The following FAAP24 variants were observed in gnomAD, a reference collection of about 807,000 sequenced individuals.
FAAP24 encodes the protein FA core complex associated protein 24.
A neutral mutation model predicts 14.3 loss-of-function variants in FAAP24; 16 were observed. That is an observed-to-expected ratio of 1.12 (90% CI 0.76 to 1.69). The LOEUF (loss-of-function observed/expected upper bound fraction) is 1.69, where lower values mean the gene tolerates loss of function less well. Among genes scored for constraint, FAAP24 ranks in the 40% most tolerant of loss-of-function variants. The pLI is 0.00. For synonymous variants in FAAP24, 111 were observed against 106.2 expected (o/e 1.04, Z -0.28); for missense variants, 234 against 262.7 (o/e 0.89, Z 0.75).
chr19:32,973,346 T>C, intron 2 of FAAP24, 44 bp downstream of exon 2: 1 of 1,597,664 alleles, frequency 6.3e-7, no homozygotes, highest in Non-Finnish European at 8.5e-7. Context: ...CCCTGACATA[T>C]TAAAAAAAAA....
chr19:32,972,710 CTTTTCTTTTTT>C (rs1971449073), intron 1 of FAAP24, among the ~76,000 whole-genome samples: 1 of 128,562 alleles, frequency 7.8e-6, no homozygotes, highest in African/African-American at 3.1e-5. Context: ...TTTTCTTTTT[CTTTTCTTTTTT>C]TTTTTTTTTT....
rs1258828079 is a variant in FAAP24, at chr19:32,976,452, C to T, written c.418C>T (p.Pro140Ser). ...TCAGGTTCAAGAGCAAACCAAAGAG[C>T]CCAGTAAGAACCCTCTTCTCGGGAA... ...IQLVQEQTKE[P>S]SKNPLLGKKR... Residue 140 changes from proline (P) to serine (S), a missense_variant, in exon 5 of 5, where the codon CCC becomes TCC. Coordinates refer to ENST00000588258, the MANE Select transcript of FAAP24 (RefSeq NM_152266.5). The T allele has an allele frequency of 2.5e-6, 4 of 1,613,946 alleles. No homozygotes were observed. Among genetic ancestry groups the T allele is most frequent in the Non-Finnish European group, 2.5e-6 (3 of 1,179,846 alleles).
intron 4 of FAAP24, among the ~76,000 whole-genome samples, chr19:32,975,047 T>C (rs1971498374): frequency 6.6e-6 from 1 of 151,490 alleles, no homozygotes; most frequent in African/African-American, 2.4e-5. Context: ...GGCTAATTTT[T>C]GTATTTTTAG....
chr19:32,973,337 C>T, intron 2 of FAAP24, 35 bp downstream of exon 2: 1 of 1,605,398 alleles, frequency 6.2e-7, no homozygotes, highest in Non-Finnish European at 8.5e-7. Flanking sequence ...CCTTTCCTCC[C>T]CTGACATATT....
intron 4 of FAAP24, among the ~76,000 whole-genome samples, chr19:32,975,472 T>C (rs1424914604): frequency 6.7e-6 from 1 of 149,458 alleles, no homozygotes; most frequent in Non-Finnish European, 1.5e-5. Context: ...TTTTTTTTTT[T>C]TTTTGAGATG....
At chr19:32,972,692 C>G (rs949528061) in intron 1 of FAAP24, among the ~76,000 whole-genome samples, 5 of 150,176 alleles carry the variant, frequency 3.3e-5, no homozygotes, top group African/African-American at 1.2e-4. Context: ...TTCATTCAGG[C>G]CTTTGTGTTT....
Position 32,976,624 on chromosome 19 carries a change from A to T in FAAP24, c.590A>T (p.Gln197Leu), listed in dbSNP as rs769050905. 3.1e-6 allele frequency: 5 copies of T among 1,614,218 alleles called. No individual in the cohort carries two copies. The highest frequency in any genetic ancestry group is 3.4e-6 in the Non-Finnish European group (4 of 1,180,038). ...LSNASIGELE[Q>L]VVGQAVAQQI... ...AATGCTTCCATTGGGGAACTGGAGCAGGTGGTCGGACAAGCAGTGGCACAG... is the reference window on the plus strand; with the variant it reads ...AATGCTTCCATTGGGGAACTGGAGCTGGTGGTCGGACAAGCAGTGGCACAG... Residue 197 changes from glutamine to leucine, a missense_variant, in exon 5 of 5, where the codon CAG becomes CTG. Physicochemically the swap from Gln to Leu is moderately radical, Grantham distance 113. Transcript: ENST00000588258.
rs1971523868 is a variant in FAAP24 at position 32,976,755 on chromosome 19, C to T, written c.*73C>T. On this transcript the variant is annotated 3_prime_UTR_variant, in exon 5 of 5. Coordinates refer to ENST00000588258, the MANE Select transcript of FAAP24 (RefSeq NM_152266.5). Reference sequence around the variant, plus strand: ...AGGATCTTGTTTTCAGCTTTAAAAACCAAGAGAATGGGCCGGGTGCACTGG... The same window carrying T: ...AGGATCTTGTTTTCAGCTTTAAAAATCAAGAGAATGGGCCGGGTGCACTGG... The T allele has an allele frequency of 6.4e-7, 1 of 1,570,614 alleles. No individual in the cohort carries two copies. Among genetic ancestry groups the T allele is most frequent in the Non-Finnish European group, 8.7e-7 (1 of 1,155,860 alleles).
chr19:32,976,872 A>AC lies in FAAP24; in HGVS notation c.*194dup. 1.5e-6 allele frequency: 1 copy of AC among 663,420 alleles called. No homozygotes were observed. 41.1% of individuals were successfully genotyped at this position (663,420 alleles called of 1,614,324 possible). On this transcript the variant is annotated 3_prime_UTR_variant, in exon 5 of 5. Coordinates refer to ENST00000588258, the MANE Select transcript of FAAP24 (RefSeq NM_152266.5). ...AGACCAGCCTGGCCAACATGGAGAAACCCCTAAAAATAGGAACAATTAGCC... is the reference window on the plus strand; with the variant it reads ...AGACCAGCCTGGCCAACATGGAGAAACCCCCTAAAAATAGGAACAATTAGCC...
rs545948049 is a variant in FAAP24, at chr19:32,977,638, C to T, written c.*956C>T. The T allele has an allele frequency of 1.5e-5, 6 of 388,016 alleles. No individual in the cohort carries two copies. Among genetic ancestry groups the T allele is most frequent in the Admixed American group, 9.0e-5 (2 of 22,270 alleles). 24.0% of individuals were successfully genotyped at this position (388,016 alleles called of 1,614,324 possible). Reference sequence around the variant, plus strand: ...TTCCCACTTAAAGTTGAAAACTCAACGGCCGGGCATAGTGGCTCACACCTG... The same window carrying T: ...TTCCCACTTAAAGTTGAAAACTCAATGGCCGGGCATAGTGGCTCACACCTG... On this transcript the variant is annotated 3_prime_UTR_variant, in exon 5 of 5. Transcript: ENST00000588258.
In FAAP24 at chr19:32,972,308, C is replaced by T. The variant is rs79371948; in HGVS notation, c.-52C>T. 5,054 of 419,642 alleles carry T rather than the reference C, an allele frequency of 0.012. 229 individuals are homozygous for T. Among genetic ancestry groups the T allele is most frequent in the African/African-American group, 0.092 (4,559 of 49,660 alleles). 26.0% of individuals were successfully genotyped at this position (419,642 alleles called of 1,614,324 possible). A position where few individuals can be genotyped will look rare whatever the true frequency, so the allele number is the denominator to read the frequency against. ...TAGACTGGGACGGTGGGGTTCCTGC[C>T]GGCTGTATTCGGGCCTTGGACTGGA... On this transcript the variant is annotated 5_prime_UTR_variant, in exon 1 of 5. Transcript: ENST00000588258.
rs1971436758 is a variant in FAAP24, at chr19:32,972,257, G to A, written c.-103G>A. 2.2e-6 allele frequency: 1 copy of A among 456,182 alleles called. No homozygotes were observed. 28.3% of individuals were successfully genotyped at this position (456,182 alleles called of 1,614,324 possible). On this transcript the variant is annotated 5_prime_UTR_variant, in exon 1 of 5. Transcript: ENST00000588258. ...CACCGAGGGCGTGAACCCGGAAGGTGGCGCGGCCACCAGTAACATGATCTC... is the reference window on the plus strand; with the variant it reads ...CACCGAGGGCGTGAACCCGGAAGGTAGCGCGGCCACCAGTAACATGATCTC...
Position 32,977,432 on chromosome 19 carries a change from G to A in FAAP24, c.*750G>A, listed in dbSNP as rs973921779. ...CAGAGTTTCACCTGCTGTTCATCAG[G>A]TCTGGCCTTCATATACCCGTACTGC... is the stretch of plus-strand genomic sequence containing the variant. On this transcript the variant is annotated 3_prime_UTR_variant, in exon 5 of 5. Coordinates refer to ENST00000588258, the MANE Select transcript of FAAP24 (RefSeq NM_152266.5). 2 of 398,486 alleles carry A rather than the reference G, an allele frequency of 5.0e-6. No homozygotes were observed. The highest frequency in any genetic ancestry group is 4.1e-5 in the African/African-American group (2 of 48,602). 24.7% of individuals were successfully genotyped at this position (398,486 alleles called of 1,614,324 possible).
In FAAP24 at chr19:32,977,020, A is replaced by C; in HGVS notation, c.*338A>C. The stretch of plus-strand genomic sequence containing the variant: ...CGTGCCACTGCACTCCAGCCTGGGC[A>C]CCAGAGCGAGACTCCGTCTCAAAGA... On this transcript the variant is annotated 3_prime_UTR_variant, in exon 5 of 5. Transcript: ENST00000588258. 1 of 402,774 alleles carries C rather than the reference A, an allele frequency of 2.5e-6. No individual in the cohort carries two copies. The highest frequency in any genetic ancestry group is 4.4e-6 in the Non-Finnish European group (1 of 229,014). 25.0% of individuals were successfully genotyped at this position (402,774 alleles called of 1,614,324 possible). A position where few individuals can be genotyped will look rare whatever the true frequency, so the allele number is the denominator to read the frequency against.
chr19:32,977,219 C>T lies in FAAP24; in HGVS notation c.*537C>T, dbSNP rs911827622. 2 of 399,456 alleles carry T rather than the reference C, an allele frequency of 5.0e-6. No homozygotes were observed. Among genetic ancestry groups the T allele is most frequent in the Non-Finnish European group, 8.8e-6 (2 of 226,798 alleles). The allele number at this position is 399,456 out of a possible 1,614,324, so 24.7% of individuals were successfully genotyped here. ...CTTCATTCTGCTAAGACGAAAAGGGCTGGTGGGATCTTCGCAAGAGAGTCA... is the reference window on the plus strand; with the variant it reads ...CTTCATTCTGCTAAGACGAAAAGGGTTGGTGGGATCTTCGCAAGAGAGTCA... On this transcript the variant is annotated 3_prime_UTR_variant, in exon 5 of 5. Transcript: ENST00000588258.
At chr19:32,974,998 C>T (rs1971497559) in intron 4 of FAAP24, among the ~76,000 whole-genome samples, 1 of 151,858 alleles carries the variant, frequency 6.6e-6, no homozygotes, top group South Asian at 2.1e-4. Flanking sequence ...GCCTCAGCCT[C>T]CCGAGTAGCT....
In FAAP24 at chr19:32,973,217, T is replaced by C. The variant is rs530097367; in HGVS notation, c.21T>C (p.Asp7=). Residue 7 remains aspartate (D), a synonymous_variant, in exon 2 of 5, where the codon GAT becomes GAC. Coordinates refer to ENST00000588258, the MANE Select transcript of FAAP24 (RefSeq NM_152266.5). The part of the protein sequence containing the change: MEKNPP[D]DTGPVHVPLG... The stretch of plus-strand genomic sequence containing the variant: ...CATCCATGGAAAAGAACCCCCCTGA[T>C]GATACGGGCCCCGTGCACGTGCCTT... 52 of 1,613,722 alleles carry C rather than the reference T, an allele frequency of 3.2e-5. No individual in the cohort carries two copies. The African/African-American group carries it at 5.7e-4, about 18-fold the overall frequency.
intron 3 of FAAP24, among the ~76,000 whole-genome samples, chr19:32,973,793 T>C (rs1971479585): frequency 1.3e-5 from 2 of 152,164 alleles, no homozygotes; most frequent in Admixed American, 6.5e-5. Context: ...AGGCAGAGGC[T>C]GTAGTGAGCC....
At position 32,977,133 on chromosome 19, in the gene FAAP24, G is replaced by C. The variant is rs901069721; in HGVS notation, c.*451G>C. On this transcript the variant is annotated 3_prime_UTR_variant, in exon 5 of 5. Transcript: ENST00000588258. The stretch of plus-strand genomic sequence containing the variant: ...GGCGAGGCTTGAATGGAGCCCGTGG[G>C]TCGTCCTGCCTTAGCGTCTGAGTTC... The C allele has an allele frequency of 4.0e-5, 16 of 403,492 alleles. No individual in the cohort carries two copies. The highest frequency in any genetic ancestry group is 7.0e-5 in the Non-Finnish European group (16 of 229,004). The allele number at this position is 403,492 out of a possible 1,614,324, so 25.0% of individuals were successfully genotyped here.
Sources: allele counts gnomAD v4.1 joint callset (sites outside exome capture counted in the v4.1 genomes callset), GRCh38; gene constraint gnomAD v4.1.1; transcripts MANE v1.5; gene names NCBI Gene and HGNC (gene_info 2026-07-23, HGNC 2026-07-21).